Variants in KRIT1 observed in about 807,000 individuals in gnomAD.
KRIT1 encodes krev interaction trapped protein 1.
Under a neutral mutation model 95.8 loss-of-function variants are expected in KRIT1, and 45 were observed. The ratio of observed to expected loss-of-function variants is 0.47; its 90% CI spans 0.37 to 0.60. KRIT1 has a LOEUF of 0.60. Among genes scored for constraint, KRIT1 ranks in the 20% least tolerant of loss-of-function variants. KRIT1 has a pLI of 0.00. For missense variants in KRIT1, 788 were observed against 877.5 expected (o/e 0.90, Z 1.29); for synonymous variants, 282 against 278.8 (o/e 1.01, Z -0.11).
rs191929568 is a variant in KRIT1, at chr7:92,233,288, C to G, written c.989+1161G>C. Among the ~76,000 whole-genome samples the G allele has an allele frequency of 1.8e-3, 278 of 151,940 alleles. 2 individuals are homozygous for G. The highest frequency in any genetic ancestry group is 6.3e-3 in the African/African-American group (260 of 41,430). The stretch of plus-strand genomic sequence containing the variant: ...AGTTGGAAGAAACTCTAGAAATGAT[C>G]TACTGCATTTTATATATGGATAAAT... On this transcript the variant is annotated intron_variant, in intron 10 of 18. Coordinates refer to ENST00000394505, the MANE Select transcript of KRIT1 (RefSeq NM_194454.3).
intron 3 of KRIT1, among the ~76,000 whole-genome samples, chr7:92,242,474 A>T (rs1188641172): frequency 6.6e-6 from 1 of 152,224 alleles, no homozygotes; most frequent in Non-Finnish European, 1.5e-5. Context: ...GCCAAAAAAA[A>T]GTGATGATGA....
In KRIT1 at chr7:92,200,786, G is replaced by C; in HGVS notation, c.2161C>G (p.Leu721Val). 6.2e-7 allele frequency: 1 copy of C among 1,606,414 alleles called. No homozygotes were observed. Among genetic ancestry groups the C allele is most frequent in the Non-Finnish European group, 8.5e-7 (1 of 1,173,132 alleles). Residue 721 changes from leucine to valine, a missense_variant, in exon 19 of 19, where the codon CTG becomes GTG. Transcript: ENST00000394505. ...AACTGTCCATTTAGCTTCATTAACA[G>C]TTTTACCACGAGACCAGCCTACAAA... ...HTKQAGLVVKLLMKLNGQLMP... is the reference protein window; with the variant it reads ...HTKQAGLVVKVLMKLNGQLMP...
chr7:92,219,340 T>G (rs1053536233), intron 14 of KRIT1, among the ~76,000 whole-genome samples: 3 of 152,142 alleles, frequency 2.0e-5, no homozygotes, highest in Admixed American at 1.3e-4. Flanking sequence ...GGGGTCCAAT[T>G]TCCTACTTTT....
At chr7:92,233,674 G>C (rs990837422) in intron 10 of KRIT1, among the ~76,000 whole-genome samples, 9 of 152,166 alleles carry the variant, frequency 5.9e-5, no homozygotes, top group Admixed American at 4.6e-4. Context: ...CAAAGTGCTG[G>C]GATTACAGGT....
intron 17 of KRIT1, chr7:92,206,724 C>G (rs1584744270): frequency 6.6e-6 from 1 of 151,894 alleles, no homozygotes. Context: ...GTAACAGATG[C>G]TCCCCCCAAA....
At chr7:92,243,645 G>A (rs1393295618) in intron 3 of KRIT1, among the ~76,000 whole-genome samples, 2 of 152,064 alleles carry the variant, frequency 1.3e-5, no homozygotes. Flanking sequence ...TAATTAAAAA[G>A]TGCCTTATGA....
chr7:92,222,846 T>G lies in KRIT1; in HGVS notation c.1387A>C (p.Ile463Leu), dbSNP rs773990032. 2.5e-6 allele frequency: 4 copies of G among 1,606,908 alleles called. No individual in the cohort carries two copies. The highest frequency in any genetic ancestry group is 3.4e-6 in the Non-Finnish European group (4 of 1,173,604). ...CTGAGGTTTTCTGAACAAATCCATA[T>G]AGTGAAATATTGCTGAGTTTCTTGA... ...LSQETQQYFT[I>L]WICSENLSLQ... Residue 463 changes from isoleucine (I) to leucine (L), a missense_variant, in exon 13 of 19, where the codon ATA (isoleucine) becomes CTA (leucine). Around this residue, in one of 3 missense-constraint regions of KRIT1, gnomAD observed 493 missense variants for 582.3 expected, o/e 0.85. Coordinates refer to ENST00000394505, the MANE Select transcript of KRIT1 (RefSeq NM_194454.3).
At chr7:92,219,735 C>T (rs909276424) in intron 14 of KRIT1, among the ~76,000 whole-genome samples, 2 of 152,208 alleles carry the variant, frequency 1.3e-5, no homozygotes, top group African/African-American at 2.4e-5. Context: ...CTAGTAGTGA[C>T]ATCTTAACGA....
intron 17 of KRIT1, 103 bp downstream of exon 17, chr7:92,213,092 G>C (rs1002098014): frequency 4.0e-6 from 3 of 758,252 alleles, no homozygotes; most frequent in Admixed American, 4.0e-5. Flanking sequence ...GAGTTGCAAT[G>C]AACAGTCTTG....
At chr7:92,205,547 T>C (rs554857362) in intron 17 of KRIT1, among the ~76,000 whole-genome samples, 10 of 152,140 alleles carry the variant, frequency 6.6e-5, no homozygotes, top group Non-Finnish European at 1.2e-4. Flanking sequence ...GAGACCAGCC[T>C]GGCAAACATG....
chr7:92,218,992 C>A (rs1794568423), intron 14 of KRIT1, among the ~76,000 whole-genome samples: 1 of 151,920 alleles, frequency 6.6e-6, no homozygotes, highest in African/African-American at 2.4e-5. Flanking sequence ...GTCACTGATG[C>A]ATTTTATTTT....
intron 14 of KRIT1, 130 bp downstream of exon 14, chr7:92,221,772 C>G: frequency 1.3e-6 from 1 of 756,986 alleles, no homozygotes; most frequent in Non-Finnish European, 2.2e-6. Context: ...AACTGAAACT[C>G]CGCCAATTAT....
chr7:92,239,658 G>T (rs1212849388), intron 5 of KRIT1, among the ~76,000 whole-genome samples: 1 of 151,384 alleles, frequency 6.6e-6, no homozygotes, highest in Non-Finnish European at 1.5e-5. Context: ...AGAGAAAAGG[G>T]ATTCTCTTTG....
At chr7:92,243,741 C>T (rs529258332) in intron 3 of KRIT1, among the ~76,000 whole-genome samples, 2 of 152,088 alleles carry the variant, frequency 1.3e-5, no homozygotes, top group South Asian at 4.2e-4. Context: ...ATTAAAACAA[C>T]CATTAAAATT....
intron 13 of KRIT1, among the ~76,000 whole-genome samples, chr7:92,222,335 T>C (rs1401896732): frequency 1.3e-5 from 2 of 152,138 alleles, no homozygotes; most frequent in Non-Finnish European, 2.9e-5. Context: ...ATAAGTAGAA[T>C]TCCTAGTTAA....
intron 6 of KRIT1, among the ~76,000 whole-genome samples, chr7:92,236,865 T>C (rs952788983): frequency 6.6e-6 from 1 of 152,162 alleles, no homozygotes; most frequent in South Asian, 2.1e-4. Flanking sequence ...TGGAAAAATA[T>C]ATCTGGAATG....
At chr7:92,236,384 TA>T in intron 7 of KRIT1, 28 bp downstream of exon 7, 2 of 1,506,296 alleles carry the variant, frequency 1.3e-6, no homozygotes, top group Non-Finnish European at 9.2e-7. Flanking sequence ...TTTGATTAAT[TA>T]AAAGATACTT....
chr7:92,245,428 T>A (rs1476754924), intron 1 of KRIT1: 2 of 151,672 alleles, frequency 1.3e-5, no homozygotes, highest in Non-Finnish European at 2.9e-5. Flanking sequence ...ACTCCTTGCC[T>A]GGGGCAACTA....
Position 92,225,729 on chromosome 7 carries a change from A to T in KRIT1, c.1245T>A (p.Ile415=). 6.5e-7 allele frequency: 1 copy of T among 1,543,738 alleles called. No individual in the cohort carries two copies. The highest frequency in any genetic ancestry group is 9.0e-7 in the Non-Finnish European group (1 of 1,116,536). The change falls in exon 12 of 19, where the codon ATT becomes ATA. Residue 415 remains isoleucine (I), a synonymous_variant. Coordinates refer to ENST00000394505, the MANE Select transcript of KRIT1 (RefSeq NM_194454.3). The stretch of plus-strand genomic sequence containing the variant: ...TGAAGATAATTCTTACTGGTTTGTT[A>T]ATTGCTTCCTTCAACAATTTTGCAG... ...EEAAKLLKEA[I]NKPYEKVRIY... is the part of the protein sequence containing the mutation.
Sources: allele counts gnomAD v4.1 joint callset (sites outside exome capture counted in the v4.1 genomes callset), GRCh38; gene constraint gnomAD v4.1.1; regional missense constraint gnomAD v4.1.1; transcripts MANE v1.5; gene names NCBI Gene and HGNC (gene_info 2026-07-23, HGNC 2026-07-21).